The following CDC42BPA variants were observed in gnomAD, a reference collection of about 807,000 sequenced individuals.
CDC42BPA encodes CDC42 binding protein kinase alpha.
A neutral mutation model predicts 223.5 loss-of-function variants in CDC42BPA; 80 were observed. That is an observed-to-expected ratio of 0.36 (90% confidence interval 0.30 to 0.43). The LOEUF is 0.43. Ranked by LOEUF, CDC42BPA falls within the 20% of genes least tolerant of loss-of-function variation. The pLI is 1.00. For missense variants in CDC42BPA, 1,743 were observed against 2,099.9 expected (o/e 0.83, Z 3.32); for synonymous variants, 694 against 718.6 (o/e 0.97, Z 0.55).
rs374224520 is a variant in CDC42BPA at position 227,170,959 on chromosome 1, T to G, written c.600-10323A>C. Among the ~76,000 whole-genome samples the G allele has an allele frequency of 3.9e-5, 6 of 152,350 alleles. 1 individual carries two copies. In the South Asian group the frequency reaches 1.2e-3, roughly 32 times the overall value. Reference sequence around the variant, plus strand: ...CAGTAGCCCAACAAATTCCATTTTCTGGAAGAAGCAGCAAAATAACATCTG... The same window carrying G: ...CAGTAGCCCAACAAATTCCATTTTCGGGAAGAAGCAGCAAAATAACATCTG... On this transcript the variant is annotated intron_variant, in intron 5 of 36. Transcript: ENST00000366766.
intron 1 of CDC42BPA, among the ~76,000 whole-genome samples, chr1:227,287,024 TA>T (rs1317186899): frequency 6.6e-6 from 1 of 152,132 alleles, no homozygotes; most frequent in Non-Finnish European, 1.5e-5. Context: ...TCTGTCTCCA[TA>T]ACCCAAATAT....
At chr1:227,047,851 A>C (rs947914651) in intron 23 of CDC42BPA, 76 bp downstream of exon 23, 19 of 738,932 alleles carry the variant, frequency 2.6e-5, no homozygotes, top group Non-Finnish European at 4.2e-5. Context: ...AATATCAAAA[A>C]AATCACAGCA....
At chr1:227,218,259 C>T (rs1291693728) in intron 2 of CDC42BPA, among the ~76,000 whole-genome samples, 1 of 152,206 alleles carries the variant, frequency 6.6e-6, no homozygotes, top group African/African-American at 2.4e-5. Context: ...CTTATTCCAG[C>T]TCACTCTGCT....
At chr1:227,102,396 A>G (rs1685198492) in intron 14 of CDC42BPA, among the ~76,000 whole-genome samples, 1 of 152,200 alleles carries the variant, frequency 6.6e-6, no homozygotes, top group Non-Finnish European at 1.5e-5. Context: ...GAAGAACCAG[A>G]GCAAGGCAGA....
chr1:227,052,763 C>A (rs1212454019), intron 21 of CDC42BPA, among the ~76,000 whole-genome samples: 1 of 152,162 alleles, frequency 6.6e-6, no homozygotes, highest in Non-Finnish European at 1.5e-5. Flanking sequence ...CATAAAAACA[C>A]CATCAGTTTA....
intron 2 of CDC42BPA, among the ~76,000 whole-genome samples, chr1:227,245,190 C>T (rs1680700140): frequency 6.6e-6 from 1 of 152,060 alleles, no homozygotes; most frequent in African/African-American, 2.4e-5. Flanking sequence ...GTCCATCCCC[C>T]AACCCAGGCA....
At chr1:227,118,994 C>T (rs1180857151) in intron 12 of CDC42BPA, among the ~76,000 whole-genome samples, 1 of 151,892 alleles carries the variant, frequency 6.6e-6, no homozygotes, top group Non-Finnish European at 1.5e-5. Flanking sequence ...TTTTAATTCC[C>T]TCCATCTCCT....
At chr1:227,025,299 T>G (rs925765425) in intron 31 of CDC42BPA, among the ~76,000 whole-genome samples, 3 of 152,094 alleles carry the variant, frequency 2.0e-5, no homozygotes, top group Admixed American at 1.3e-4. Context: ...CAATCCAAAT[T>G]TACAAACTAG....
At chr1:227,294,483 A>G (rs1202647415) in intron 1 of CDC42BPA, among the ~76,000 whole-genome samples, 1 of 152,130 alleles carries the variant, frequency 6.6e-6, no homozygotes, top group Non-Finnish European at 1.5e-5. Flanking sequence ...TTTTACTCCA[A>G]TATTTTATTT....
In CDC42BPA at chr1:227,314,821, G is replaced by A. The variant is rs546434764; in HGVS notation, c.178+2184C>T. Among the ~76,000 whole-genome samples the A allele has an allele frequency of 4.6e-5, 7 of 151,614 alleles. No homozygotes were observed. In the South Asian group the frequency reaches 1.3e-3, roughly 27 times the overall value. ...TTAAACTTAAAATTACACCATTTAA[G>A]GCAAATCTAAATTACCAAATTTAAC... On this transcript the variant is annotated intron_variant, in intron 1 of 36. Transcript: ENST00000366766.
At chr1:227,082,798 A>T (rs1411006181) in intron 16 of CDC42BPA, among the ~76,000 whole-genome samples, 1 of 150,916 alleles carries the variant, frequency 6.6e-6, no homozygotes, top group African/African-American at 2.4e-5. Context: ...CATTTCTGGA[A>T]GGCATTTTTT....
chr1:227,132,362 ACCGCGAGTGATCCGCCAGCCTCGGCCT>A (rs1657317265), intron 10 of CDC42BPA, among the ~76,000 whole-genome samples: 1 of 151,880 alleles, frequency 6.6e-6, no homozygotes, highest in African/African-American at 2.4e-5. Flanking sequence ...CCAGCTCCTA[ACCGCGAGTGATCCGCCAGCCTCGGCCT>A]CCCGAGGTGC....
In CDC42BPA at chr1:227,147,481, T is replaced by C; in HGVS notation, c.772A>G (p.Arg258Gly). Residue 258 changes from arginine (R) to glycine (G), a missense_variant, in exon 7 of 37, where the codon AGA becomes GGA. By Grantham distance (125) the Arg-to-Gly change is moderately radical (BLOSUM62 -2). Transcript: ENST00000366766. ...CACCAGTCACATTCAGGTCCATATCTCCCTTTTCCATCTTCCATGGCTTGA... is the reference window on the plus strand; with the variant it reads ...CACCAGTCACATTCAGGTCCATATCCCCCTTTTCCATCTTCCATGGCTTGA... ...ILQAMEDGKGRYGPECDWWSL... is the reference protein window; with the variant it reads ...ILQAMEDGKGGYGPECDWWSL... The C allele has an allele frequency of 6.2e-7, 1 of 1,613,410 alleles. No individual in the cohort carries two copies. The highest frequency in any genetic ancestry group is 2.2e-5 in the East Asian group (1 of 44,804).
intron 2 of CDC42BPA, 59 bp downstream of exon 2, chr1:227,254,005 T>C (rs943047144): frequency 4.6e-5 from 42 of 903,706 alleles, no homozygotes; most frequent in Admixed American, 3.0e-4. Flanking sequence ...TCTCTCACAA[T>C]TGTGTTCAAC....
chr1:227,124,094 A>G (rs1051399303), intron 11 of CDC42BPA, among the ~76,000 whole-genome samples: 1 of 152,202 alleles, frequency 6.6e-6, no homozygotes, highest in African/African-American at 2.4e-5. Flanking sequence ...ATATATATAT[A>G]GTGTCAGTTA....
At chr1:227,251,554 A>C (rs370759966) in intron 2 of CDC42BPA, among the ~76,000 whole-genome samples, 5 of 152,190 alleles carry the variant, frequency 3.3e-5, no homozygotes, top group African/African-American at 4.8e-5. Context: ...TATTTAATGA[A>C]AATACTAATA....
intron 1 of CDC42BPA, among the ~76,000 whole-genome samples, chr1:227,315,386 T>C (rs1694207217): frequency 6.6e-6 from 1 of 151,992 alleles, no homozygotes; most frequent in African/African-American, 2.4e-5. Context: ...CAGAAGGCAA[T>C]GGAGGATACA....
chr1:227,208,360 T>C (rs1344197203), intron 3 of CDC42BPA, among the ~76,000 whole-genome samples: 1 of 138,478 alleles, frequency 7.2e-6, no homozygotes. Flanking sequence ...TTTAGTTTAA[T>C]TAGATCCCAT....
intron 3 of CDC42BPA, among the ~76,000 whole-genome samples, chr1:227,204,800 T>C (rs575896804): frequency 2.6e-5 from 4 of 152,290 alleles, no homozygotes; most frequent in Non-Finnish European, 4.4e-5. Flanking sequence ...ATGAAATGTA[T>C]TGACAGTTTG....
Sources: gnomAD v4.1 joint callset for allele counts (sites outside exome capture counted in the v4.1 genomes callset) on GRCh38, gnomAD v4.1.1 for gene constraint, MANE v1.5 for transcripts, NCBI Gene and HGNC (gene_info 2026-07-23, HGNC 2026-07-21) for gene names.